Variants in TMOD2 observed in about 807,000 individuals in gnomAD.
The protein encoded by TMOD2 is tropomodulin-2.
In TMOD2, 22 loss-of-function variants were observed where a neutral mutation model predicts 39.9. The observed-to-expected ratio is 0.55, with a 90% CI of 0.39 to 0.79. The LOEUF is 0.79. TMOD2 is among the 30% of genes least tolerant of loss of function. TMOD2 has a pLI of 0.00. For missense variants in TMOD2, 386 were observed against 413.3 expected, an observed-to-expected ratio of 0.93 and a Z score of 0.57; for synonymous variants, 123 against 146.1, an observed-to-expected ratio of 0.84 and a Z score of 1.14.
intron 7 of TMOD2, among the ~76,000 whole-genome samples, chr15:51,795,605 T>G (rs1202937131): frequency 5.2e-5 from 7 of 134,036 alleles, no homozygotes; most frequent in Admixed American, 2.9e-4. Context: ...TTTCTTTCTT[T>G]CTTTCTTTCT....
chr15:51,804,132 A>T (rs751549118), intron 8 of TMOD2, among the ~76,000 whole-genome samples: 1 of 152,204 alleles, frequency 6.6e-6, no homozygotes, highest in Non-Finnish European at 1.5e-5. Flanking sequence ...GAAATGCCCC[A>T]AGATGCACTG....
chr15:51,761,301 CAG>C (rs2055779104), intron 1 of TMOD2, among the ~76,000 whole-genome samples: 1 of 151,676 alleles, frequency 6.6e-6, no homozygotes, highest in Non-Finnish European at 1.5e-5. Context: ...CGGCTGGACT[CAG>C]AAAAAAAAGT....
intron 1 of TMOD2, among the ~76,000 whole-genome samples, chr15:51,757,504 C>T (rs201909537): frequency 6.6e-6 from 1 of 151,954 alleles, no homozygotes; most frequent in Non-Finnish European, 1.5e-5. Context: ...AGTCATGCTT[C>T]CATCAGCTCA....
chr15:51,794,794 G>A (rs190098200), intron 7 of TMOD2, among the ~76,000 whole-genome samples: 21 of 152,134 alleles, frequency 1.4e-4, no homozygotes, highest in Non-Finnish European at 2.1e-4. Context: ...TAAAAGATGA[G>A]GGTAGTTCTA....
chr15:51,806,257 T>C, intron 8 of TMOD2, 120 bp from the exon 9 acceptor site: 1 of 1,121,012 alleles, frequency 8.9e-7, no homozygotes, highest in Non-Finnish European at 1.3e-6. Context: ...TCCCTTTCAG[T>C]TTGAGACCTT....
intron 8 of TMOD2, among the ~76,000 whole-genome samples, chr15:51,803,024 A>G (rs931545991): frequency 6.6e-6 from 1 of 152,240 alleles, no homozygotes; most frequent in Admixed American, 6.5e-5. Flanking sequence ...ACTTATTACA[A>G]AGTAATCAAG....
chr15:51,753,379 T>C (rs2055720539), intron 1 of TMOD2, among the ~76,000 whole-genome samples: 1 of 152,210 alleles, frequency 6.6e-6, no homozygotes, highest in South Asian at 2.1e-4. Flanking sequence ...CAGCATCTAC[T>C]GCGAGTCTCC....
At chr15:51,761,338 T>C (rs892319428) in intron 1 of TMOD2, among the ~76,000 whole-genome samples, 1 of 151,944 alleles carries the variant, frequency 6.6e-6, no homozygotes, top group African/African-American at 2.4e-5. Context: ...CTGGTCTGAG[T>C]GTTGGGAGTG....
intron 8 of TMOD2, among the ~76,000 whole-genome samples, chr15:51,801,288 G>GTC (rs72529496): frequency 0.022 from 2,425 of 111,692 alleles, 36 homozygotes; most frequent in African/African-American, 0.045. Context: ...CACACACCCT[G>GTC]TCTCTCTCTC....
rs1334489026 is a variant in TMOD2 at position 51,801,233 on chromosome 15, T to TCACACACACACACA, written c.876+2894_876+2895insACACACACACACAC. Among the ~76,000 whole-genome samples, 117 of 97,084 alleles carry TCACACACACACACA rather than the reference T, an allele frequency of 1.2e-3. 2 individuals carry two copies. The highest frequency in any genetic ancestry group is 4.8e-3 in the African/African-American group (106 of 22,196). The allele number at this position is 97,084 out of a possible 152,430, so 63.7% of individuals were successfully genotyped here. ...TTCTCTCTCCCTCTCTCTCTCTCTC[T>TCACACACACACACA]CTCTCACACACACACACACACACAC... is the stretch of plus-strand genomic sequence containing the variant. On this transcript the variant is annotated intron_variant, in intron 8 of 9. Transcript: ENST00000249700.
chr15:51,803,542 T>C (rs2056103869), intron 8 of TMOD2, among the ~76,000 whole-genome samples: 1 of 152,216 alleles, frequency 6.6e-6, no homozygotes. Flanking sequence ...CATTAAAATA[T>C]ATTAAATCAT....
chr15:51,772,973 C>T (rs1397354421), intron 3 of TMOD2, among the ~76,000 whole-genome samples: 1 of 152,174 alleles, frequency 6.6e-6, no homozygotes, highest in Admixed American at 6.5e-5. Flanking sequence ...TATGTTGTAT[C>T]CTCCTTTAGA....
intron 8 of TMOD2, 128 bp from the exon 9 acceptor site, chr15:51,806,249 C>A: frequency 1.0e-6 from 1 of 989,970 alleles, no homozygotes; most frequent in Non-Finnish European, 1.5e-6. Flanking sequence ...TGACGCTGTC[C>A]CTTTCAGTTT....
intron 1 of TMOD2, among the ~76,000 whole-genome samples, chr15:51,765,997 A>G (rs893818376): frequency 2.0e-5 from 3 of 152,226 alleles, no homozygotes; most frequent in Admixed American, 6.5e-5. Context: ...ATGGAGAGCC[A>G]GGGAAGGCAG....
At chr15:51,766,668 A>G in intron 2 of TMOD2, 101 bp downstream of exon 2, 10 of 1,322,548 alleles carry the variant, frequency 7.6e-6, no homozygotes, top group Non-Finnish European at 1.0e-5. Context: ...CTCGGAATGC[A>G]CATTTTCTTT....
intron 9 of TMOD2, 55 bp from the exon 10 acceptor site, chr15:51,808,365 G>C: frequency 2.1e-6 from 3 of 1,420,680 alleles, no homozygotes; most frequent in South Asian, 2.4e-5. Flanking sequence ...TGTTTATCTG[G>C]AATTTAAGGA....
rs1364535643 is a variant in TMOD2, at chr15:51,813,279, A to G, written c.*4825A>G. On this transcript the variant is annotated 3_prime_UTR_variant, in exon 10 of 10. Coordinates refer to ENST00000249700, the MANE Select transcript of TMOD2 (RefSeq NM_014548.4). ...CAATGACTGAATAATCAGTAGACCA[A>G]TGGAAGAGGAGTTGCAAGTTTAAAT... 40 of 152,246 alleles carry G rather than the reference A, an allele frequency of 2.6e-4. 1 individual carries two copies. The highest frequency in any genetic ancestry group is 2.6e-3 in the Admixed American group (40 of 15,274). The allele number at this position is 152,246 out of a possible 1,614,324, so 9.4% of individuals were successfully genotyped here. A position where few individuals can be genotyped will look rare whatever the true frequency, so the allele number is the denominator to read the frequency against.
At position 51,766,354 on chromosome 15, in the gene TMOD2, G is replaced by A; in HGVS notation, c.-69-19G>A. 1 of 1,283,918 alleles carries A rather than the reference G, an allele frequency of 7.8e-7. No individual in the cohort carries two copies. Among genetic ancestry groups the A allele is most frequent in the Non-Finnish European group, 1.1e-6 (1 of 929,846 alleles). 79.5% of individuals were successfully genotyped at this position (1,283,918 alleles called of 1,614,324 possible). Reference sequence around the variant, plus strand: ...CAGAACGGAGATTCTTTTTTATTGTGTTTCTTTTTTATTAACAGTATTCTG... The same window carrying A: ...CAGAACGGAGATTCTTTTTTATTGTATTTCTTTTTTATTAACAGTATTCTG... On this transcript the variant is annotated intron_variant, in intron 1 of 9. Coordinates refer to ENST00000249700, the MANE Select transcript of TMOD2 (RefSeq NM_014548.4).
At chr15:51,771,247 A>C (rs2055851777) in intron 3 of TMOD2, among the ~76,000 whole-genome samples, 1 of 152,212 alleles carries the variant, frequency 6.6e-6, no homozygotes, top group South Asian at 2.1e-4. Context: ...CAGAGCGAAG[A>C]GTATGCAGGG....
Sources: gnomAD v4.1 joint callset for allele counts (sites outside exome capture counted in the v4.1 genomes callset) on GRCh38, gnomAD v4.1.1 for gene constraint, MANE v1.5 for transcripts, NCBI Gene and HGNC (gene_info 2026-07-23, HGNC 2026-07-21) for gene names.